Variants in NEK11 observed in about 807,000 individuals in gnomAD.
The protein encoded by NEK11 is serine/threonine-protein kinase Nek11.
NEK11 carries 72 observed loss-of-function variants against 80.7 expected under a neutral mutation model. The ratio of observed to expected loss-of-function variants is 0.89; its 90% confidence interval spans 0.74 to 1.08. NEK11 has a LOEUF of 1.08. NEK11 is among the 50% of genes least tolerant of loss of function. The pLI is 0.00. For synonymous variants in NEK11, 251 were observed against 260.7 expected, an observed-to-expected ratio of 0.96 and a Z score of 0.36; for missense variants, 764 against 763.6, an observed-to-expected ratio of 1.00 and a Z score of -0.01.
intron 16 of NEK11, among the ~76,000 whole-genome samples, chr3:131,271,256 A>G (rs1009979948): frequency 1.3e-5 from 2 of 152,202 alleles, no homozygotes; most frequent in Non-Finnish European, 2.9e-5. Context: ...ATGTACTATG[A>G]GCAACACATT....
At chr3:131,161,688 G>T (rs2091613190) in intron 10 of NEK11, among the ~76,000 whole-genome samples, 1 of 152,176 alleles carries the variant, frequency 6.6e-6, no homozygotes, top group Non-Finnish European at 1.5e-5. Flanking sequence ...TCAGAGGGTG[G>T]AGGGTGGGAG....
At chr3:131,292,067 T>C (rs553074784) in intron 17 of NEK11, among the ~76,000 whole-genome samples, 11 of 152,314 alleles carry the variant, frequency 7.2e-5, no homozygotes, top group African/African-American at 2.4e-4. Context: ...TACATTTAGG[T>C]CTATGATCCA....
At chr3:131,324,574 A>G (rs1476248989) in intron 17 of NEK11, among the ~76,000 whole-genome samples, 2 of 152,230 alleles carry the variant, frequency 1.3e-5, no homozygotes, top group Non-Finnish European at 2.9e-5. Flanking sequence ...CTCTTCAAAA[A>G]TGAAAAAAAG....
At chr3:131,296,725 T>C (rs1429758941) in intron 17 of NEK11, among the ~76,000 whole-genome samples, 1 of 152,124 alleles carries the variant, frequency 6.6e-6, no homozygotes, top group Non-Finnish European at 1.5e-5. Context: ...GTTAGTTACA[T>C]ATGTGTACAT....
At chr3:131,206,488 A>G (rs1254410850) in intron 14 of NEK11, among the ~76,000 whole-genome samples, 1 of 152,242 alleles carries the variant, frequency 6.6e-6, no homozygotes, top group Non-Finnish European at 1.5e-5. Context: ...TAAAACAGCT[A>G]ATAAAAATAT....
intron 5 of NEK11, among the ~76,000 whole-genome samples, chr3:131,110,661 C>T (rs772057518): frequency 4.6e-5 from 7 of 151,988 alleles, no homozygotes; most frequent in African/African-American, 7.2e-5. Flanking sequence ...TGTCTGTGGT[C>T]GCTTTCACCT....
At chr3:131,139,923 T>A (rs2086508259) in intron 7 of NEK11, among the ~76,000 whole-genome samples, 2 of 151,784 alleles carry the variant, frequency 1.3e-5, no homozygotes, top group South Asian at 4.2e-4. Flanking sequence ...CATGAGAGCC[T>A]GGGCAGGGCC....
chr3:131,054,177 C>G (rs2068928204), intron 3 of NEK11, among the ~76,000 whole-genome samples: 1 of 152,088 alleles, frequency 6.6e-6, no homozygotes, highest in Non-Finnish European at 1.5e-5. Context: ...ATGGCAAAAC[C>G]CCATCTCTAC....
intron 11 of NEK11, 52 bp from the exon 12 acceptor site, chr3:131,165,374 C>T: frequency 8.9e-7 from 1 of 1,123,482 alleles, no homozygotes. Context: ...ATAATATAGA[C>T]ATGGTTTTAG....
chr3:131,185,879 C>G (rs536597873), intron 14 of NEK11, among the ~76,000 whole-genome samples: 1 of 152,272 alleles, frequency 6.6e-6, no homozygotes, highest in Admixed American at 6.5e-5. Context: ...TGGGGCCAGA[C>G]TTTGTCTTTT....
chr3:131,100,500 G>A (rs950594855), intron 4 of NEK11, among the ~76,000 whole-genome samples: 1 of 152,124 alleles, frequency 6.6e-6, no homozygotes, highest in African/African-American at 2.4e-5. Flanking sequence ...AACCTGGGAG[G>A]CCAAGGTTGC....
chr3:131,132,884 A>G (rs2084789544), intron 6 of NEK11, 75 bp downstream of exon 6: 2 of 664,330 alleles, frequency 3.0e-6, no homozygotes, highest in East Asian at 6.1e-5. Context: ...AAATTGAAGT[A>G]AATGGTACGT....
At chr3:131,267,597 C>T (rs1034549149) in intron 16 of NEK11, among the ~76,000 whole-genome samples, 2 of 151,976 alleles carry the variant, frequency 1.3e-5, no homozygotes, top group African/African-American at 4.8e-5. Flanking sequence ...GGTAACCTGA[C>T]CTTTCTCTCT....
intron 5 of NEK11, among the ~76,000 whole-genome samples, chr3:131,116,762 C>T (rs2149417672): frequency 6.6e-6 from 1 of 152,302 alleles, no homozygotes; most frequent in African/African-American, 2.4e-5. Context: ...CTTTTGGCTG[C>T]ATAAATGTCT....
At chr3:131,267,236 G>T (rs980278426) in intron 16 of NEK11, among the ~76,000 whole-genome samples, 1 of 152,164 alleles carries the variant, frequency 6.6e-6, no homozygotes. Flanking sequence ...TCATTATGAT[G>T]CTAGCTCTTT....
chr3:131,148,693 T>C (rs2088949500), intron 7 of NEK11, among the ~76,000 whole-genome samples: 1 of 151,792 alleles, frequency 6.6e-6, no homozygotes, highest in African/African-American at 2.4e-5. Context: ...CAGTTATTAT[T>C]ATTTTTAACT....
intron 3 of NEK11, among the ~76,000 whole-genome samples, chr3:131,054,953 T>C (rs2069169984): frequency 6.6e-6 from 1 of 152,118 alleles, no homozygotes; most frequent in Non-Finnish European, 1.5e-5. Context: ...TTTCCTTTTT[T>C]CTGATCCAAG....
intron 3 of NEK11, among the ~76,000 whole-genome samples, chr3:131,035,910 A>G (rs1361781899): frequency 6.6e-6 from 1 of 152,230 alleles, no homozygotes; most frequent in Non-Finnish European, 1.5e-5. Context: ...GTGTTTATCT[A>G]CTAAATAGCT....
At chr3:131,211,554 GCA>G (rs1239297535) in intron 14 of NEK11, among the ~76,000 whole-genome samples, 8 of 152,166 alleles carry the variant, frequency 5.3e-5, no homozygotes, top group African/African-American at 1.9e-4. Context: ...ATAATATCCT[GCA>G]GAGTGTTTTC....
Sources: allele counts gnomAD v4.1 joint callset (sites outside exome capture counted in the v4.1 genomes callset), GRCh38; gene constraint gnomAD v4.1.1; transcripts MANE v1.5; gene names NCBI Gene and HGNC (gene_info 2026-07-23, HGNC 2026-07-21).